Variants in MALRD1 observed in about 807,000 individuals in gnomAD.
The protein encoded by MALRD1 is MAM and LDL-receptor class A domain-containing protein 1.
In MALRD1, 247 loss-of-function variants were observed where a neutral mutation model predicts 242.1. The ratio of observed to expected loss-of-function variants is 1.02; its 90% CI spans 0.92 to 1.13. The LOEUF is 1.13. Ranked by LOEUF, MALRD1 falls within the 50% of genes most tolerant of loss-of-function variation. MALRD1 has a pLI of 0.00. For synonymous variants in MALRD1, 995 were observed against 866.6 expected (o/e 1.15, Z -2.60); for missense variants, 2,989 against 2,533.1 (o/e 1.18, Z -3.86).
chr10:19,732,262 ATTAT>A (rs1249919232), intron 39 of MALRD1, among the ~76,000 whole-genome samples: 2 of 152,080 alleles, frequency 1.3e-5, no homozygotes, highest in African/African-American at 2.4e-5. Context: ...AAGAAAATCT[ATTAT>A]TTATTTATTT....
intron 28 of MALRD1, among the ~76,000 whole-genome samples, chr10:19,396,059 CT>C (rs1846561811): frequency 6.6e-6 from 1 of 151,912 alleles, no homozygotes; most frequent in Non-Finnish European, 1.5e-5. Flanking sequence ...TCTGTTTCTA[CT>C]CCCACTAGCA....
At chr10:19,352,365 T>C (rs1844425519) in intron 26 of MALRD1, 68 bp downstream of exon 26, 2 of 1,405,916 alleles carry the variant, frequency 1.4e-6, no homozygotes, top group South Asian at 1.3e-5. Flanking sequence ...AGAAAGAAAA[T>C]GCAAAAGAAA....
chr10:19,368,266 AGGTCT>A (rs1845192053), intron 26 of MALRD1, among the ~76,000 whole-genome samples: 1 of 151,984 alleles, frequency 6.6e-6, no homozygotes, highest in Non-Finnish European at 1.5e-5. Flanking sequence ...GTCTTAAATT[AGGTCT>A]TTGATCAATT....
intron 36 of MALRD1, among the ~76,000 whole-genome samples, chr10:19,624,046 C>G (rs888168423): frequency 6.6e-5 from 10 of 152,028 alleles, no homozygotes; most frequent in African/African-American, 2.4e-4. Flanking sequence ...TGAAGAAACA[C>G]ACACTTTGCT....
rs751953432 is a variant in MALRD1, at chr10:19,257,675, T to C, written c.2992-9T>C. The C allele has an allele frequency of 3.3e-6, 5 of 1,508,832 alleles. No homozygotes were observed. The highest frequency in any genetic ancestry group is 4.5e-6 in the Non-Finnish European group (5 of 1,118,184). 93.5% of individuals were successfully genotyped at this position (1,508,832 alleles called of 1,614,324 possible). ...TTTCTTATTTTTATTTTTTATTTTA[T>C]TTTTTTAGATATTGGTGGAGGCTTC... is the stretch of plus-strand genomic sequence containing the variant. On this transcript the variant is annotated splice_polypyrimidine_tract_variant and intron_variant, in intron 18 of 39. Transcript: ENST00000454679.
At chr10:19,658,455 C>T (rs530780732) in intron 36 of MALRD1, among the ~76,000 whole-genome samples, 168 of 152,148 alleles carry the variant, frequency 1.1e-3, no homozygotes, top group Non-Finnish European at 2.0e-3. Context: ...GAGAGCTAAA[C>T]AGTTTATCCC....
rs1436890771 is a variant in MALRD1 at position 19,334,129 on chromosome 10, T to TTG, written c.3901+2548_3901+2549insGT. ...TTACTCTGTTGGTAGGTTTTTTTTT[T>TTG]TTTTTTTTTTTTTCTGTGCAGAGCT... is the stretch of plus-strand genomic sequence containing the variant. On this transcript the variant is annotated intron_variant, in intron 24 of 39. Coordinates refer to ENST00000454679, the MANE Select transcript of MALRD1 (RefSeq NM_001142308.3). 4.3e-4 allele frequency among the ~76,000 whole-genome samples: 63 copies of TTG among 147,450 alleles called. No homozygotes were observed. The East Asian group carries it at 0.012, about 27-fold the overall frequency.
At chr10:19,507,061 AAGAG>A (rs1326669990) in intron 31 of MALRD1, among the ~76,000 whole-genome samples, 1 of 152,080 alleles carries the variant, frequency 6.6e-6, no homozygotes, top group Non-Finnish European at 1.5e-5. Context: ...AAGCAGGAAC[AAGAG>A]AGAAAGTGGC....
rs184362021 is a variant in MALRD1, at chr10:19,218,897, T to C, written c.2991+9217T>C. On this transcript the variant is annotated intron_variant, in intron 18 of 39. Coordinates refer to ENST00000454679, the MANE Select transcript of MALRD1 (RefSeq NM_001142308.3). ...TTAATTATTTTGATCAGATTCATTA[T>C]ATAGCAGCTTGAAGGCTAATAATTC... Among the ~76,000 whole-genome samples, 576 of 152,254 alleles carry C rather than the reference T, an allele frequency of 3.8e-3. 7 individuals are homozygous for C. The highest frequency in any genetic ancestry group is 0.013 in the African/African-American group (544 of 41,574).
Position 19,124,515 on chromosome 10 carries a change from C to A in MALRD1, c.797-9C>A, listed in dbSNP as rs1837182413. On this transcript the variant is annotated splice_polypyrimidine_tract_variant and intron_variant, in intron 6 of 39. Coordinates refer to ENST00000454679, the MANE Select transcript of MALRD1 (RefSeq NM_001142308.3). ...TAATAGTCCACCAAGATCTTTTTCT[C>A]CCGTTTAGTGTGTCAGGCCTGTGGG... is the stretch of plus-strand genomic sequence containing the variant. 8.1e-7 allele frequency: 1 copy of A among 1,233,696 alleles called. No individual in the cohort carries two copies. The highest frequency in any genetic ancestry group is 4.2e-5 in the Admixed American group (1 of 23,710). The allele number at this position is 1,233,696 out of a possible 1,614,324, so 76.4% of individuals were successfully genotyped here.
chr10:19,325,393 A>G (rs753155318), intron 22 of MALRD1, among the ~76,000 whole-genome samples: 5 of 138,474 alleles, frequency 3.6e-5, no homozygotes, highest in Non-Finnish European at 7.7e-5. Context: ...GGAATTAACT[A>G]TTCTTTCAGA....
intron 33 of MALRD1, among the ~76,000 whole-genome samples, chr10:19,591,252 G>T (rs1564466467): frequency 6.6e-6 from 1 of 152,166 alleles, no homozygotes; most frequent in Non-Finnish European, 1.5e-5. Flanking sequence ...AATGAATGTT[G>T]TTCTTATTTT....
chr10:19,242,311 A>T (rs922052980), intron 18 of MALRD1, among the ~76,000 whole-genome samples: 1 of 152,194 alleles, frequency 6.6e-6, no homozygotes, highest in Non-Finnish European at 1.5e-5. Context: ...CCATGATTCA[A>T]TTATCTCCCA....
At chr10:19,311,335 T>C (rs1321963460) in intron 21 of MALRD1, among the ~76,000 whole-genome samples, 5 of 151,370 alleles carry the variant, frequency 3.3e-5, no homozygotes, top group Non-Finnish European at 4.4e-5. Flanking sequence ...GAGCTAGAAT[T>C]TGGGGAAATT....
intron 18 of MALRD1, among the ~76,000 whole-genome samples, chr10:19,235,615 C>T (rs1000475098): frequency 2.4e-3 from 108 of 44,360 alleles, no homozygotes; most frequent in African/African-American, 9.1e-3. Flanking sequence ...AGAGAGAGAG[C>T]GCCTAGGTAA....
At chr10:19,261,343 T>C (rs1477036310) in intron 19 of MALRD1, among the ~76,000 whole-genome samples, 2 of 151,930 alleles carry the variant, frequency 1.3e-5, no homozygotes, top group Non-Finnish European at 2.9e-5. Flanking sequence ...AAATAAACTA[T>C]GGGTCAAAAC....
chr10:19,600,090 TGTGTCCTGTGAA>T (rs1393313427), intron 34 of MALRD1, among the ~76,000 whole-genome samples: 4 of 152,146 alleles, frequency 2.6e-5, no homozygotes, highest in Admixed American at 6.5e-5. Flanking sequence ...TAGCGGTGGA[TGTGTCCTGTGAA>T]GTGCATGCCA....
intron 19 of MALRD1, among the ~76,000 whole-genome samples, chr10:19,270,334 TCTCACACACACACACACA>T (rs1206765944): frequency 6.9e-4 from 52 of 75,732 alleles, no homozygotes; most frequent in African/African-American, 2.1e-3. Context: ...TCTCTCTCTC[TCTCACACACACACACACA>T]CACACACACA....
At chr10:19,171,790 A>AT (rs1834980045) in intron 13 of MALRD1, among the ~76,000 whole-genome samples, 1 of 144,804 alleles carries the variant, frequency 6.9e-6, no homozygotes, top group Non-Finnish European at 1.5e-5. Flanking sequence ...TATCATATAT[A>AT]CATATATGTG....
Sources: allele counts gnomAD v4.1 joint callset (sites outside exome capture counted in the v4.1 genomes callset), GRCh38; gene constraint gnomAD v4.1.1; transcripts MANE v1.5; gene names NCBI Gene and HGNC (gene_info 2026-07-23, HGNC 2026-07-21).